Variants in PIWIL4 observed in about 807,000 individuals in gnomAD.
The protein encoded by PIWIL4 is piwi like RNA-mediated gene silencing 4.
PIWIL4 carries 50 observed loss-of-function variants against 100.9 expected under a neutral mutation model. The observed-to-expected ratio is 0.50, with a 90% CI of 0.39 to 0.63. The LOEUF is 0.63. PIWIL4 is among the 20% of genes least tolerant of loss of function. The pLI, the probability that PIWIL4 is intolerant of heterozygous loss-of-function variation, is 0.00. For synonymous variants in PIWIL4, 342 were observed against 367.5 expected, an observed-to-expected ratio of 0.93 and a Z score of 0.79; for missense variants, 887 against 1,043.3, an observed-to-expected ratio of 0.85 and a Z score of 2.06.
At chr11:94,583,674 G>C (rs1948358433) in intron 5 of PIWIL4, 105 bp downstream of exon 5, 3 of 1,475,714 alleles carry the variant, frequency 2.0e-6, no homozygotes, top group Non-Finnish European at 2.8e-6. Context: ...TGCCAGCAGT[G>C]ATGCCACCGT....
chr11:94,581,046 C>T (rs1029665419), intron 4 of PIWIL4, among the ~76,000 whole-genome samples: 19 of 151,940 alleles, frequency 1.3e-4, no homozygotes, highest in African/African-American at 4.6e-4. Flanking sequence ...ATTATAGGCA[C>T]CTGCCACCAC....
chr11:94,573,582 G>A lies in PIWIL4; in HGVS notation c.167-1417G>A, dbSNP rs534826996. Among the ~76,000 whole-genome samples, 7 of 152,206 alleles carry A rather than the reference G, an allele frequency of 4.6e-5. No homozygotes were observed. The South Asian group carries it at 1.5e-3, about 32-fold the overall frequency. On this transcript the variant is annotated intron_variant, in intron 2 of 19. Transcript: ENST00000299001. ...TTGCCTTTGGTTCTGTTTATGTGATGGATTACGTTTATTGATTTGCGTGTG... is the reference window on the plus strand; with the variant it reads ...TTGCCTTTGGTTCTGTTTATGTGATAGATTACGTTTATTGATTTGCGTGTG...
At chr11:94,603,906 G>A (rs1948680429) in intron 12 of PIWIL4, 78 bp from the exon 13 acceptor site, 10 of 842,740 alleles carry the variant, frequency 1.2e-5, no homozygotes, top group African/African-American at 1.8e-5. Flanking sequence ...AAATTTATTT[G>A]TATTATTTCT....
At chr11:94,584,299 A>G (rs1948367650) in intron 5 of PIWIL4, among the ~76,000 whole-genome samples, 1 of 152,202 alleles carries the variant, frequency 6.6e-6, no homozygotes, top group East Asian at 1.9e-4. Flanking sequence ...TCTTTGTTCA[A>G]CAGTGACCTC....
chr11:94,593,453 G>T (rs1591791019), intron 8 of PIWIL4, 65 bp from the exon 9 acceptor site: 2 of 1,518,272 alleles, frequency 1.3e-6, no homozygotes, highest in Non-Finnish European at 1.8e-6. Context: ...CTTGTTGAAT[G>T]TAAGGATGCT....
At chr11:94,595,917 A>G (rs141395812) in intron 10 of PIWIL4, among the ~76,000 whole-genome samples, 11 of 152,258 alleles carry the variant, frequency 7.2e-5, no homozygotes, top group Non-Finnish European at 1.3e-4. Context: ...TTATCAGACT[A>G]TGTTTCCGTT....
At chr11:94,601,544 G>A (rs1244263261) in intron 11 of PIWIL4, among the ~76,000 whole-genome samples, 3 of 152,226 alleles carry the variant, frequency 2.0e-5, no homozygotes, top group Middle Eastern at 3.2e-3. Context: ...GCACCGCAGA[G>A]AATCATGAGG....
intron 2 of PIWIL4, among the ~76,000 whole-genome samples, chr11:94,571,043 C>T (rs1263046783): frequency 6.6e-6 from 1 of 152,090 alleles, no homozygotes; most frequent in Non-Finnish European, 1.5e-5. Context: ...AGGGTCTGGT[C>T]CCCCCACCCA....
rs1948864358 is a variant in PIWIL4, at chr11:94,617,964, C to A, written c.2025C>A (p.Asn675Lys). The change falls in exon 17 of 20, where the codon AAC becomes AAA. Residue 675 changes from asparagine (N) to lysine (K), a missense_variant. By Grantham distance (94) the Asn-to-Lys change is moderately conservative. Coordinates refer to ENST00000299001, the MANE Select transcript of PIWIL4 (RefSeq NM_152431.3). Reference protein sequence around the residue: ...CLKVFMTGALNKWYKYNHDLP... With the variant: ...CLKVFMTGALKKWYKYNHDLP... ...CACCAAATTCTGCAGGAGCACTCAA[C>A]AAATGGTACAAGTACAATCATGATT... The A allele has an allele frequency of 1.2e-6, 2 of 1,613,778 alleles. No homozygotes were observed. Among genetic ancestry groups the A allele is most frequent in the African/African-American group, 1.3e-5 (1 of 74,886 alleles).
intron 15 of PIWIL4, among the ~76,000 whole-genome samples, chr11:94,612,677 C>A (rs930268964): frequency 6.6e-6 from 1 of 151,924 alleles, no homozygotes; most frequent in Non-Finnish European, 1.5e-5. Flanking sequence ...GTATGCTTTA[C>A]TCCTTTCTCT....
At chr11:94,568,579 A>C in intron 1 of PIWIL4, 151 bp from the exon 2 acceptor site, 390 of 504,958 alleles carry the variant, frequency 7.7e-4, no homozygotes, top group Middle Eastern at 1.7e-3. Context: ...TAGAATGGGC[A>C]CTCTCTTCTC....
At chr11:94,613,647 T>G (rs975853000) in intron 15 of PIWIL4, among the ~76,000 whole-genome samples, 5 of 152,240 alleles carry the variant, frequency 3.3e-5, no homozygotes, top group African/African-American at 9.6e-5. Flanking sequence ...CTTTTATTTT[T>G]TCTCCTTTGT....
chr11:94,585,378 G>T (rs1461202088), intron 5 of PIWIL4, 67 bp from the exon 6 acceptor site: 5 of 1,130,210 alleles, frequency 4.4e-6, no homozygotes, highest in Admixed American at 2.1e-5. Flanking sequence ...TTCAGTAAGG[G>T]TTTGAACTTA....
rs12272255 is a variant in PIWIL4, at chr11:94,577,479, A to C, written c.500A>C (p.Lys167Thr). The change falls in exon 4 of 20, where the codon AAG becomes ACG. Residue 167 changes from lysine to threonine, a missense_variant. By Grantham distance (78) the Lys-to-Thr change is moderately conservative (BLOSUM62 -1). Transcript: ENST00000299001. Reference protein sequence around the residue: ...FDGAILFLSQKLEEKVTELSS... With the variant: ...FDGAILFLSQTLEEKVTELSS... Reference sequence around the variant, plus strand: ...GGTGCCATCCTTTTTCTGTCACAAAAGCTAGAAGAAAAGGTATAGTATGAT... The same window carrying C: ...GGTGCCATCCTTTTTCTGTCACAAACGCTAGAAGAAAAGGTATAGTATGAT... The C allele has an allele frequency of 6.2e-7, 1 of 1,613,082 alleles. No homozygotes were observed. Among genetic ancestry groups the C allele is most frequent in the Non-Finnish European group, 8.5e-7 (1 of 1,179,450 alleles).
In PIWIL4 at chr11:94,588,207, C is replaced by T. The variant is rs138513143; in HGVS notation, c.915-914C>T. 3.2e-3 allele frequency among the ~76,000 whole-genome samples: 490 copies of T among 151,938 alleles called. 3 individuals carry two copies. The highest frequency in any genetic ancestry group is 0.01 in the African/African-American group (424 of 41,408). On this transcript the variant is annotated intron_variant, in intron 7 of 19. Coordinates refer to ENST00000299001, the MANE Select transcript of PIWIL4 (RefSeq NM_152431.3). ...GCTCCCACTTATAAGTGAGAACATG[C>T]GGTGTTTGGTTTTCTGTTCCTGCCC... is the stretch of plus-strand genomic sequence containing the variant.
At chr11:94,592,045 A>G (rs1241074050) in intron 8 of PIWIL4, among the ~76,000 whole-genome samples, 1 of 152,102 alleles carries the variant, frequency 6.6e-6, no homozygotes, top group African/African-American at 2.4e-5. Context: ...GTTTTCTTCA[A>G]GGTCCTCTCT....
intron 2 of PIWIL4, among the ~76,000 whole-genome samples, chr11:94,572,958 A>G (rs1010249824): frequency 6.6e-6 from 1 of 151,998 alleles, no homozygotes; most frequent in African/African-American, 2.4e-5. Flanking sequence ...ATCCTCTTTT[A>G]TTTCGTTGAG....
chr11:94,602,521 AC>A lies in PIWIL4; in HGVS notation c.1565+543del, dbSNP rs1487469530. ...TTTATTCTTAGAATGTTTATTGAGT[AC>A]TAATATGTGTAGATACTATGCCAGT... On this transcript the variant is annotated intron_variant, in intron 12 of 19. Transcript: ENST00000299001. 5.3e-5 allele frequency among the ~76,000 whole-genome samples: 8 copies of A among 152,326 alleles called. No homozygotes were observed. In the East Asian group the frequency reaches 1.3e-3, roughly 26 times the overall value.
At chr11:94,581,056 C>T (rs990762379) in intron 4 of PIWIL4, among the ~76,000 whole-genome samples, 5 of 152,054 alleles carry the variant, frequency 3.3e-5, no homozygotes, top group African/African-American at 9.7e-5. Context: ...CCTGCCACCA[C>T]ACCCGGCTAA....
Sources: allele counts gnomAD v4.1 joint callset (sites outside exome capture counted in the v4.1 genomes callset), GRCh38; gene constraint gnomAD v4.1.1; transcripts MANE v1.5; gene names NCBI Gene and HGNC (gene_info 2026-07-23, HGNC 2026-07-21).